The following STK32B variants were observed in gnomAD, a reference collection of about 807,000 sequenced individuals.
STK32B encodes the protein serine/threonine-protein kinase 32B.
In STK32B, 43 loss-of-function variants were observed where a neutral mutation model predicts 52.6. That is an observed-to-expected ratio of 0.82 (90% CI 0.64 to 1.05). The LOEUF (loss-of-function observed/expected upper bound fraction) is 1.05. STK32B is among the 50% of genes least tolerant of loss of function. The probability of loss-of-function intolerance (pLI) is 0.00; values close to 1 mark genes in which losing one functional copy is unlikely to be tolerated. For missense variants in STK32B, 621 were observed against 534.6 expected, an observed-to-expected ratio of 1.16 and a Z score of -1.59; for synonymous variants, 238 against 204.3, an observed-to-expected ratio of 1.17 and a Z score of -1.41.
intron 1 of STK32B, among the ~76,000 whole-genome samples, chr4:5,138,398 T>C (rs979070139): frequency 2.0e-5 from 3 of 152,236 alleles, no homozygotes; most frequent in Non-Finnish European, 4.4e-5. Context: ...ATTTTTTTTT[T>C]TGTAAATAAC....
chr4:5,023,394 T>A, the STK32B span, among the ~76,000 whole-genome samples: 1 of 152,208 alleles, frequency 6.6e-6, no homozygotes, highest in African/African-American at 2.4e-5. Context: ...ACAGTCTCCC[T>A]GTCAAGTGCT....
At chr4:5,463,523 C>G (rs1387546202) in intron 9 of STK32B, among the ~76,000 whole-genome samples, 1 of 152,030 alleles carries the variant, frequency 6.6e-6, no homozygotes, top group Non-Finnish European at 1.5e-5. Flanking sequence ...CATTCCCCCA[C>G]ACACATATGC....
rs1478904171 is a variant in STK32B, at chr4:5,373,659, C to G, written c.435-24548C>G. ...GCAGCCCACACACCTTTGTGTCCCC[C>G]TTATCTCCCATCTGCAGGGCCCCTA... On this transcript the variant is annotated intron_variant, in intron 4 of 11. Coordinates refer to ENST00000282908, the MANE Select transcript of STK32B (RefSeq NM_018401.3). Among the ~76,000 whole-genome samples, 3 of 152,194 alleles carry G rather than the reference C, an allele frequency of 2.0e-5. No homozygotes were observed. In the East Asian group the frequency reaches 5.8e-4, roughly 29 times the overall value.
chr4:5,168,398 C>A lies in STK32B; in HGVS notation c.208C>A (p.Arg70=). 2 of 1,613,838 alleles carry A rather than the reference C, an allele frequency of 1.2e-6. No homozygotes were observed. Among genetic ancestry groups the A allele is most frequent in the South Asian group, 1.1e-5 (1 of 91,014 alleles). Residue 70 remains arginine, a synonymous_variant, in exon 3 of 12, where the codon CGG becomes AGG. Transcript: ENST00000282908. ...IERDEVRNVF[R]ELQIMQGLEH... The stretch of plus-strand genomic sequence containing the variant: ...GAGGGATGAGGTTCGGAATGTTTTC[C>A]GGGAGCTGCAGATCATGCAAGGGCT...
intron 1 of STK32B, among the ~76,000 whole-genome samples, chr4:5,105,898 T>G (rs1005489059): frequency 6.6e-6 from 1 of 152,014 alleles, no homozygotes; most frequent in Non-Finnish European, 1.5e-5. Context: ...AATGAATTAA[T>G]TTTTCCTTAA....
At chr4:5,227,174 C>T (rs553532128) in intron 3 of STK32B, among the ~76,000 whole-genome samples, 78 of 152,234 alleles carry the variant, frequency 5.1e-4, no homozygotes, top group African/African-American at 1.8e-3. Flanking sequence ...TCATTTTGAA[C>T]ATTCTTTGAT....
intron 1 of STK32B, among the ~76,000 whole-genome samples, chr4:5,095,435 C>G (rs1039762005): frequency 3.3e-5 from 5 of 152,078 alleles, no homozygotes; most frequent in African/African-American, 9.7e-5. Flanking sequence ...GCCAACAGGG[C>G]GAAACTCTGC....
At position 5,395,372 on chromosome 4, in the gene STK32B, G is replaced by A. The variant is rs1372736815; in HGVS notation, c.435-2835G>A. ...CTCTCATCCTCCTACTTCCTCATCT[G>A]CAAAATGAGAACTTGCTCACTACAT... is the stretch of plus-strand genomic sequence containing the variant. On this transcript the variant is annotated intron_variant, in intron 4 of 11. Coordinates refer to ENST00000282908, the MANE Select transcript of STK32B (RefSeq NM_018401.3). This position sits in a 1 kb window ranked among gnomAD's most constrained non-coding sequence, Gnocchi z 4.4. Among the ~76,000 whole-genome samples the A allele has an allele frequency of 1.3e-5, 2 of 152,178 alleles. No homozygotes were observed. Among genetic ancestry groups the A allele is most frequent in the African/African-American group, 4.8e-5 (2 of 41,442 alleles).
chr4:5,182,888 C>G (rs566166270), intron 3 of STK32B, among the ~76,000 whole-genome samples: 2 of 152,232 alleles, frequency 1.3e-5, no homozygotes, highest in Admixed American at 1.3e-4. Flanking sequence ...CATTAGAGCT[C>G]TTGAGTGACC....
chr4:5,254,965 AAT>A (rs146017036), intron 3 of STK32B, among the ~76,000 whole-genome samples: 4 of 144,326 alleles, frequency 2.8e-5, no homozygotes, highest in Non-Finnish European at 4.5e-5. Flanking sequence ...ATCATTCACT[AAT>A]ATATATATAT....
At chr4:5,361,548 A>G (rs1215702589) in intron 4 of STK32B, among the ~76,000 whole-genome samples, 1 of 152,118 alleles carries the variant, frequency 6.6e-6, no homozygotes, top group African/African-American at 2.4e-5. Flanking sequence ...ATTTTTCTAT[A>G]GAGATGGGGT....
rs1250450329 is a variant in STK32B, at chr4:5,469,267, G to A, written c.1106+1197G>A. On this transcript the variant is annotated intron_variant, in intron 11 of 11. Transcript: ENST00000282908. The surrounding 1 kb of genome is among the most constrained non-coding windows in gnomAD (Gnocchi z 4.7). ...ATTACAGGCCCTTATGCAATCCCCA[G>A]TATTCAACCGTTTTGGCTTTCAGCA... 6.6e-6 allele frequency among the ~76,000 whole-genome samples: 1 copy of A among 152,184 alleles called. No individual in the cohort carries two copies. The highest frequency in any genetic ancestry group is 1.5e-5 in the Non-Finnish European group (1 of 68,036).
At chr4:5,120,784 T>TA (rs1714981606) in intron 1 of STK32B, among the ~76,000 whole-genome samples, 1 of 151,960 alleles carries the variant, frequency 6.6e-6, no homozygotes, top group African/African-American at 2.4e-5. Context: ...CTAAGCACTT[T>TA]ACATATGTGT....
intron 4 of STK32B, among the ~76,000 whole-genome samples, chr4:5,391,486 C>T (rs1736594555): frequency 1.3e-5 from 2 of 152,170 alleles, no homozygotes; most frequent in South Asian, 4.2e-4. Context: ...ATGAATTTTG[C>T]AACCCTTGAC....
intron 4 of STK32B, among the ~76,000 whole-genome samples, chr4:5,365,124 C>T (rs138031605): frequency 0.017 from 2,520 of 152,188 alleles, 69 homozygotes; most frequent in African/African-American, 0.057. Context: ...GATCCACCCA[C>T]CTCGGCCCCC....
At chr4:5,317,755 A>C (rs991471582) in intron 3 of STK32B, among the ~76,000 whole-genome samples, 2 of 151,246 alleles carry the variant, frequency 1.3e-5, no homozygotes, top group Admixed American at 6.6e-5. Context: ...TCCTTATTTG[A>C]AGGATAAACA....
In STK32B at chr4:5,499,091, C is replaced by G. The variant is rs372287047; in HGVS notation, c.*8C>G. 1.2e-6 allele frequency: 2 copies of G among 1,606,220 alleles called. No individual in the cohort carries two copies. Among genetic ancestry groups the G allele is most frequent in the African/African-American group, 1.3e-5 (1 of 74,790 alleles). On this transcript the variant is annotated 3_prime_UTR_variant, in exon 12 of 12. Transcript: ENST00000282908. The stretch of plus-strand genomic sequence containing the variant: ...CGTGGCTGCAGCAGCTGAGCCCACA[C>G]TTGTTGCTGCTCAACAGGACTGCAC...
chr4:5,435,403 A>AG (rs1177204888), intron 6 of STK32B, among the ~76,000 whole-genome samples: 1 of 152,076 alleles, frequency 6.6e-6, no homozygotes, highest in East Asian at 1.9e-4. Context: ...CACGTGCCCC[A>AG]GGGGGTCCTC....
intron 3 of STK32B, among the ~76,000 whole-genome samples, chr4:5,278,687 C>G (rs77632309): frequency 1.4e-3 from 210 of 152,216 alleles, no homozygotes; most frequent in African/African-American, 4.7e-3. Flanking sequence ...TCCCTTCTAA[C>G]ACTACTATAA....
Sources: gnomAD v4.1 joint callset for allele counts (sites outside exome capture counted in the v4.1 genomes callset) on GRCh38, gnomAD v4.1.1 for gene constraint, Gnocchi (gnomAD v3.1) non-coding constraint, MANE v1.5 for transcripts, NCBI Gene and HGNC (gene_info 2026-07-23, HGNC 2026-07-21) for gene names.